Variants in HCN1 observed in about 807,000 individuals in gnomAD.
The protein encoded by HCN1 is potassium/sodium hyperpolarization-activated cyclic nucleotide-gated channel 1.
In HCN1, 13 loss-of-function variants were observed where a neutral mutation model predicts 78.9. The ratio of observed to expected loss-of-function variants is 0.16; its 90% CI spans 0.11 to 0.26. The LOEUF (loss-of-function observed/expected upper bound fraction) is 0.26. Ranked by LOEUF, HCN1 falls within the 10% of genes least tolerant of loss-of-function variation. The probability of loss-of-function intolerance (pLI) is 1.00; values close to 1 mark genes in which losing one functional copy is unlikely to be tolerated. For synonymous variants in HCN1, 552 were observed against 455.5 expected (o/e 1.21, Z -2.70); for missense variants, 810 against 1,154.3 (o/e 0.70, Z 4.32).
chr5:45,629,713 AT>A (rs1745235813), intron 2 of HCN1, among the ~76,000 whole-genome samples: 1 of 152,180 alleles, frequency 6.6e-6, no homozygotes, highest in African/African-American at 2.4e-5. Flanking sequence ...AGTTTTCCTT[AT>A]AAAAAAATTA....
intron 4 of HCN1, among the ~76,000 whole-genome samples, chr5:45,366,952 G>T (rs1050340887): frequency 6.6e-6 from 1 of 151,732 alleles, no homozygotes; most frequent in African/African-American, 2.4e-5. Context: ...ATATTAAGAA[G>T]ATTTAGTCAA....
At position 45,396,732 on chromosome 5, in the gene HCN1, A is replaced by C. The variant is rs774371480; in HGVS notation, c.1012-22T>G. The stretch of plus-strand genomic sequence containing the variant: ...CATTCTGCAACATAAGATAAAAAGA[A>C]AATTGACTGAGCCATTAGGATGGCA... On this transcript the variant is annotated intron_variant, in intron 3 of 7. Coordinates refer to ENST00000303230, the MANE Select transcript of HCN1 (RefSeq NM_021072.4). 31 of 1,588,034 alleles carry C rather than the reference A, an allele frequency of 2.0e-5. No individual in the cohort carries two copies. In the Admixed American group the frequency reaches 5.2e-4, roughly 26 times the overall value.
At chr5:45,529,266 T>A (rs1742794024) in intron 2 of HCN1, among the ~76,000 whole-genome samples, 1 of 152,016 alleles carries the variant, frequency 6.6e-6, no homozygotes, top group Admixed American at 6.6e-5. Flanking sequence ...TCTCCCTCCC[T>A]CATGCCACCA....
intron 3 of HCN1, among the ~76,000 whole-genome samples, chr5:45,459,329 G>A (rs1014372407): frequency 4.0e-5 from 6 of 149,800 alleles, no homozygotes; most frequent in South Asian, 2.1e-4. Context: ...CTCTACATTC[G>A]AGTTACACAT....
At chr5:45,294,146 T>C (rs1745437129) in intron 6 of HCN1, among the ~76,000 whole-genome samples, 1 of 151,906 alleles carries the variant, frequency 6.6e-6, no homozygotes, top group African/African-American at 2.4e-5. Flanking sequence ...AATATAGAAG[T>C]AGAGTAAATT....
intron 2 of HCN1, among the ~76,000 whole-genome samples, chr5:45,550,485 G>A (rs545033565): frequency 9.7e-4 from 147 of 152,128 alleles, no homozygotes; most frequent in Non-Finnish European, 1.6e-3. Flanking sequence ...ATCACACACC[G>A]GTGCCTATTG....
At chr5:45,285,325 T>C (rs867364358) in intron 6 of HCN1, among the ~76,000 whole-genome samples, 1 of 152,084 alleles carries the variant, frequency 6.6e-6, no homozygotes. Context: ...ATCCAAAATA[T>C]CTTTCTAAAA....
chr5:45,569,059 C>T (rs1212325131), intron 2 of HCN1, among the ~76,000 whole-genome samples: 1 of 152,062 alleles, frequency 6.6e-6, no homozygotes, highest in African/African-American at 2.4e-5. Flanking sequence ...CTGCCCTACA[C>T]CCAGAGGGAA....
chr5:45,628,627 A>AAAC lies in HCN1; in HGVS notation c.849+16557_849+16558insGTT, dbSNP rs535042047. ...ATAGATTTTCAGGTTTGATAAATAA[A>AAAC]AAGACTCAACTATATATTATCTACA... On this transcript the variant is annotated intron_variant, in intron 2 of 7. Transcript: ENST00000303230. 2.7e-3 allele frequency among the ~76,000 whole-genome samples: 405 copies of AAAC among 152,330 alleles called. 1 individual carries two copies. Among genetic ancestry groups the AAAC allele is most frequent in the African/African-American group, 8.1e-3 (335 of 41,582 alleles).
intron 5 of HCN1, among the ~76,000 whole-genome samples, chr5:45,305,349 A>G (rs147419377): frequency 1.3e-4 from 20 of 152,318 alleles, no homozygotes; most frequent in Non-Finnish European, 2.4e-4. Flanking sequence ...TTCATCCTGA[A>G]CAATATTTTA....
intron 1 of HCN1, among the ~76,000 whole-genome samples, chr5:45,650,745 T>C (rs977989846): frequency 2.0e-5 from 3 of 151,980 alleles, no homozygotes; most frequent in Non-Finnish European, 2.9e-5. Context: ...GATTAGTCCA[T>C]GATACTAAAT....
intron 5 of HCN1, among the ~76,000 whole-genome samples, chr5:45,340,732 C>T (rs1579823156): frequency 6.6e-6 from 1 of 151,980 alleles, no homozygotes. Flanking sequence ...TATGAATTTC[C>T]TATTTTCTTT....
At chr5:45,506,156 T>C (rs190660466) in intron 2 of HCN1, among the ~76,000 whole-genome samples, 110 of 152,300 alleles carry the variant, frequency 7.2e-4, no homozygotes, top group Middle Eastern at 3.4e-3. Flanking sequence ...ATTTATCTGC[T>C]AAAATATATC....
Position 45,262,528 on chromosome 5 carries a change from T to G in HCN1, c.2066A>C (p.Gln689Pro), listed in dbSNP as rs1293979204. 6 of 1,612,118 alleles carry G rather than the reference T, an allele frequency of 3.7e-6. No individual in the cohort carries two copies. The highest frequency in any genetic ancestry group is 5.1e-6 in the Non-Finnish European group (6 of 1,179,466). Reference protein sequence around the residue: ...HSPSPSTQTPQPSAILSPCSY... With the variant: ...HSPSPSTQTPPPSAILSPCSY... The stretch of plus-strand genomic sequence containing the variant: ...GCAGGGTGACAGGATGGCTGATGGC[T>G]GGGGGGTCTGTGTGCTGGGACTGGG... The change falls in exon 8 of 8, where the codon CAG (glutamine) becomes CCG (proline). Residue 689 changes from glutamine (Q) to proline (P), a missense_variant. By Grantham distance (76) the Gln-to-Pro change is moderately conservative. Around this residue, in one of 6 missense-constraint regions of HCN1, gnomAD observed 398 missense variants for 381.3 expected, o/e 1.04. Transcript: ENST00000303230.
At chr5:45,282,907 C>T (rs139362577) in intron 6 of HCN1, among the ~76,000 whole-genome samples, 5 of 152,086 alleles carry the variant, frequency 3.3e-5, no homozygotes, top group African/African-American at 9.7e-5. Context: ...GTTGAGTTGA[C>T]ATGTTTGTCT....
intron 3 of HCN1, among the ~76,000 whole-genome samples, chr5:45,413,742 A>G (rs1740067412): frequency 6.6e-6 from 1 of 152,102 alleles, no homozygotes; most frequent in South Asian, 2.1e-4. Flanking sequence ...AACATTAGCC[A>G]TATAGGAAAA....
chr5:45,590,494 A>G (rs1429511886), intron 2 of HCN1, among the ~76,000 whole-genome samples: 3 of 152,160 alleles, frequency 2.0e-5, no homozygotes, highest in African/African-American at 7.2e-5. Context: ...ATCTACATTG[A>G]CACTTTGTTA....
intron 2 of HCN1, among the ~76,000 whole-genome samples, chr5:45,581,743 A>C (rs1163470143): frequency 6.6e-6 from 1 of 152,196 alleles, no homozygotes; most frequent in Non-Finnish European, 1.5e-5. Flanking sequence ...GCATATGACT[A>C]TCCAGTTTTC....
chr5:45,338,732 T>A (rs111252292), intron 5 of HCN1, among the ~76,000 whole-genome samples: 4 of 152,300 alleles, frequency 2.6e-5, no homozygotes, highest in African/African-American at 9.6e-5. Context: ...ACATTTTTTG[T>A]AATCTATCAC....
Sources: gnomAD v4.1 joint callset for allele counts (sites outside exome capture counted in the v4.1 genomes callset) on GRCh38, gnomAD v4.1.1 for gene constraint, gnomAD v4.1.1 regional missense constraint, MANE v1.5 for transcripts, NCBI Gene and HGNC (gene_info 2026-07-23, HGNC 2026-07-21) for gene names.